TP53I3: variants seen among roughly 807,000 people sequenced by gnomAD.
The protein encoded by TP53I3 is tumor protein p53 inducible protein 3.
A neutral mutation model predicts 27.7 loss-of-function variants in TP53I3; 32 were observed. The ratio of observed to expected loss-of-function variants is 1.16; its 90% CI spans 0.87 to 1.55. The LOEUF (loss-of-function observed/expected upper bound fraction) is 1.55, where lower values mean the gene tolerates loss of function less well. Among genes scored for constraint, TP53I3 ranks in the 40% most tolerant of loss-of-function variants. The pLI is 0.00. For missense variants in TP53I3, 372 were observed against 412.3 expected (o/e 0.90, Z 0.85); for synonymous variants, 138 against 167.8 (o/e 0.82, Z 1.37).
In TP53I3 at chr2:24,080,706, T is replaced by G; in HGVS notation, c.619+113A>C. On this transcript the variant is annotated intron_variant, in intron 3 of 4. Transcript: ENST00000238721. This position sits in a 1 kb window ranked among gnomAD's most constrained non-coding sequence, Gnocchi z 4.7. ...ACTAGAATTTGGCCAGGGCAGCTGT[T>G]GTGCACTTAGCAGAGGTAAGACTGA... 1 of 1,300,336 alleles carries G rather than the reference T, an allele frequency of 7.7e-7. No individual in the cohort carries two copies. The highest frequency in any genetic ancestry group is 1.1e-6 in the Non-Finnish European group (1 of 914,984). 80.5% of individuals were successfully genotyped at this position (1,300,336 alleles called of 1,614,324 possible).
At position 24,084,246 on chromosome 2, in the gene TP53I3, C is replaced by T. The variant is rs1213074091; in HGVS notation, c.81G>A (p.Glu27=). 1.9e-6 allele frequency: 3 copies of T among 1,614,132 alleles called. No individual in the cohort carries two copies. Among genetic ancestry groups the T allele is most frequent in the Admixed American group, 1.7e-5 (1 of 60,026 alleles). The part of the protein sequence containing the change: ...VKEVAKPSPG[E]GEVLLKVAAS... ...CCGCCACCTTCAGGAGGACTTCACC[C>T]TCCCCCGGGCTCGGCTTGGCCACCT... The change falls in exon 1 of 5, where the codon GAG becomes GAA. Residue 27 remains glutamate, a synonymous_variant. Coordinates refer to ENST00000238721, the MANE Select transcript of TP53I3 (RefSeq NM_004881.5). This position sits in a 1 kb window ranked among gnomAD's most constrained non-coding sequence, Gnocchi z 8.4.
intron 2 of TP53I3, among the ~76,000 whole-genome samples, chr2:24,082,253 C>T (rs1665039039): frequency 6.6e-6 from 1 of 152,184 alleles, no homozygotes; most frequent in Non-Finnish European, 1.5e-5. Context: ...CAAAGTGCTA[C>T]GATTATAGGT....
Position 24,080,894 on chromosome 2 carries a change from C to T in TP53I3, c.544G>A (p.Glu182Lys), listed in dbSNP as rs768629595. 1.1e-5 allele frequency: 18 copies of T among 1,614,212 alleles called. No homozygotes were observed. The highest frequency in any genetic ancestry group is 3.3e-4 in the Middle Eastern group (2 of 6,062). ...AGSQKKLQMA[E>K]KLGAAAGFNY... ...AATCCAGCAGCTGCTCCAAGCTTTT[C>T]TGCCATTTGAAGCTTCTTCTGGGAG... The change falls in exon 3 of 5, where the codon GAA becomes AAA. Residue 182 changes from glutamate to lysine, a missense_variant. Coordinates refer to ENST00000238721, the MANE Select transcript of TP53I3 (RefSeq NM_004881.5). This position sits in a 1 kb window ranked among gnomAD's most constrained non-coding sequence, Gnocchi z 4.7.
chr2:24,080,331 A>G lies in TP53I3; in HGVS notation c.619+488T>C, dbSNP rs567257421. Among the ~76,000 whole-genome samples the G allele has an allele frequency of 7.9e-5, 12 of 151,682 alleles. No homozygotes were observed. The highest frequency in any genetic ancestry group is 2.9e-5 in the Non-Finnish European group (2 of 67,914). Reference sequence around the variant, plus strand: ...GATCAAGCCACTGCACGCCATCCTCAGTGACAGAGTGAGACTCCATCTCAA... The same window carrying G: ...GATCAAGCCACTGCACGCCATCCTCGGTGACAGAGTGAGACTCCATCTCAA... On this transcript the variant is annotated intron_variant, in intron 3 of 4. Coordinates refer to ENST00000238721, the MANE Select transcript of TP53I3 (RefSeq NM_004881.5). This position sits in a 1 kb window ranked among gnomAD's most constrained non-coding sequence, Gnocchi z 4.7.
rs796299596 is a variant in TP53I3 at position 24,084,390 on chromosome 2, A to AGGGCAGGG, written c.-65_-64insCCCTGCCC. 83 of 1,159,840 alleles carry AGGGCAGGG rather than the reference A, an allele frequency of 7.2e-5. 3 individuals are homozygous for AGGGCAGGG. Among genetic ancestry groups the AGGGCAGGG allele is most frequent in the South Asian group, 1.5e-4 (10 of 64,974 alleles). The allele number at this position is 1,159,840 out of a possible 1,614,324, so 71.8% of individuals were successfully genotyped here. On this transcript the variant is annotated 5_prime_UTR_variant, in exon 1 of 5. Transcript: ENST00000238721. This position sits in a 1 kb window ranked among gnomAD's most constrained non-coding sequence, Gnocchi z 8.4. ...ACAGGGCAGGGCAGGGCAGGACAGGACAGGGCAGGGCAGGACAGGACAGGG... is the reference window on the plus strand; with the variant it reads ...ACAGGGCAGGGCAGGGCAGGACAGGAGGGCAGGGCAGGGCAGGGCAGGACAGGACAGGG...
chr2:24,083,156 C>T lies in TP53I3; in HGVS notation c.139-4G>A. The T allele has an allele frequency of 6.3e-7, 1 of 1,599,648 alleles. No homozygotes were observed. Among genetic ancestry groups the T allele is most frequent in the Non-Finnish European group, 8.5e-7 (1 of 1,170,282 alleles). ...GTGGGTCATACTGGCCTTGTCTCTG[C>T]AGAGAAAGAAGTGCACTAAGTGGTG... On this transcript the variant is annotated splice_polypyrimidine_tract_variant and splice_region_variant and intron_variant, in intron 1 of 4. Transcript: ENST00000238721.
Position 24,080,452 on chromosome 2 carries a change from G to T in TP53I3, c.619+367C>A, listed in dbSNP as rs1232605540. Among the ~76,000 whole-genome samples the T allele has an allele frequency of 6.6e-6, 1 of 152,096 alleles. No individual in the cohort carries two copies. Among genetic ancestry groups the T allele is most frequent in the African/African-American group, 2.4e-5 (1 of 41,416 alleles). ...TGTGCACATCTACTTACTCATTTAG[G>T]GTGCTACCACCCAACCCTACCATGG... On this transcript the variant is annotated intron_variant, in intron 3 of 4. Transcript: ENST00000238721. This position sits in a 1 kb window ranked among gnomAD's most constrained non-coding sequence, Gnocchi z 4.7.
rs1403783062 is a variant in TP53I3 at position 24,084,434 on chromosome 2, C to T, written c.-108G>A. ...GACAGGGCAGGGGCCGCTGTATCCT[C>T]GCGGAGCAGCCCAGCCTCAGGCTGG... On this transcript the variant is annotated 5_prime_UTR_variant, in exon 1 of 5. Coordinates refer to ENST00000238721, the MANE Select transcript of TP53I3 (RefSeq NM_004881.5). This position sits in a 1 kb window ranked among gnomAD's most constrained non-coding sequence, Gnocchi z 8.4. The T allele has an allele frequency of 3.1e-5, 42 of 1,351,056 alleles. No homozygotes were observed. The East Asian group carries it at 9.4e-4, about 30-fold the overall frequency. The allele number at this position is 1,351,056 out of a possible 1,614,324, so 83.7% of individuals were successfully genotyped here. A position where few individuals can be genotyped will look rare whatever the true frequency, so the allele number is the denominator to read the frequency against.
chr2:24,077,447 T>C lies in TP53I3; in HGVS notation c.*132A>G. The C allele has an allele frequency of 2.7e-6, 3 of 1,126,852 alleles. No individual in the cohort carries two copies. The highest frequency in any genetic ancestry group is 3.6e-6 in the Non-Finnish European group (3 of 835,522). 69.8% of individuals were successfully genotyped at this position (1,126,852 alleles called of 1,614,324 possible). Reference sequence around the variant, plus strand: ...GCGTGCCACCCTTCCAGTTCACTCTTTATTTCCTCATATCAGCTTTAAACG... The same window carrying C: ...GCGTGCCACCCTTCCAGTTCACTCTCTATTTCCTCATATCAGCTTTAAACG... On this transcript the variant is annotated 3_prime_UTR_variant, in exon 5 of 5. Coordinates refer to ENST00000238721, the MANE Select transcript of TP53I3 (RefSeq NM_004881.5). This position sits in a 1 kb window ranked among gnomAD's most constrained non-coding sequence, Gnocchi z 5.5.
In TP53I3 at chr2:24,077,677, G is replaced by C; in HGVS notation, c.901C>G (p.Leu301Val). 1 of 1,614,096 alleles carries C rather than the reference G, an allele frequency of 6.2e-7. No homozygotes were observed. Among genetic ancestry groups the C allele is most frequent in the South Asian group, 1.1e-5 (1 of 91,078 alleles). The change falls in exon 5 of 5, where the codon CTG (leucine) becomes GTG (valine). Residue 301 changes from leucine (L) to valine (V), a missense_variant. Transcript: ENST00000238721. This position sits in a 1 kb window ranked among gnomAD's most constrained non-coding sequence, Gnocchi z 5.5. ...TEGPQRLLPV[L>V]DRIYPVTEIQ... The stretch of plus-strand genomic sequence containing the variant: ...TCGGTCACTGGGTAGATTCTGTCCA[G>C]AACCGGCAGCAGACGTTGGGGGCCC...
At chr2:24,078,577 G>GA in intron 4 of TP53I3, among the ~76,000 whole-genome samples, 1 of 152,160 alleles carries the variant, frequency 6.6e-6, no homozygotes, top group East Asian at 1.9e-4. Flanking sequence ...CCACATAGGA[G>GA]CTAAAGGGGG....
At chr2:24,081,055 T>C in intron 2 of TP53I3, 24 bp from the exon 3 acceptor site, 1 of 1,599,748 alleles carries the variant, frequency 6.3e-7, no homozygotes, top group South Asian at 1.1e-5. Context: ...TACAGGGTTC[T>C]CTTTACTTTG....
Position 24,084,236 on chromosome 2 carries a change from G to A in TP53I3, c.91C>T (p.Leu31Phe). Residue 31 changes from leucine to phenylalanine, a missense_variant, in exon 1 of 5, where the codon CTC (leucine) becomes TTC (phenylalanine). Transcript: ENST00000238721. The surrounding 1 kb of genome is among the most constrained non-coding windows in gnomAD (Gnocchi z 8.4). ...AKPSPGEGEV[L>F]LKVAASALNR... ...AGGGCGCTGGCCGCCACCTTCAGGA[G>A]GACTTCACCCTCCCCCGGGCTCGGC... 2 of 1,614,044 alleles carry A rather than the reference G, an allele frequency of 1.2e-6. No homozygotes were observed. The highest frequency in any genetic ancestry group is 1.7e-6 in the Non-Finnish European group (2 of 1,179,974).
chr2:24,079,576 G>C lies in TP53I3; in HGVS notation c.684C>G (p.Cys228Trp). 3 of 1,614,094 alleles carry C rather than the reference G, an allele frequency of 1.9e-6. No individual in the cohort carries two copies. The South Asian group carries it at 3.3e-5, about 18-fold the overall frequency. The change falls in exon 4 of 5, where the codon TGC becomes TGG. Residue 228 changes from cysteine to tryptophan, a missense_variant. Physicochemically the swap from Cys to Trp is radical, Grantham distance 215. Coordinates refer to ENST00000238721, the MANE Select transcript of TP53I3 (RefSeq NM_004881.5). ...GAACCCATCGACCATCAAGAGCCAG[G>C]CAGTTGACGTTCTTCTCCCAGTAGG... ...GGSYWEKNVN[C>W]LALDGRWVLY...
intron 2 of TP53I3, among the ~76,000 whole-genome samples, chr2:24,082,660 T>G (rs1340745368): frequency 6.6e-6 from 1 of 152,152 alleles, no homozygotes; most frequent in Non-Finnish European, 1.5e-5. Context: ...GCGTCCGGTG[T>G]TAACATGTAC....
rs1664907709 is a variant in TP53I3, at chr2:24,079,537, C to T, written c.723G>A (p.Met241Ile). The change falls in exon 4 of 5, where the codon ATG becomes ATA. Residue 241 changes from methionine to isoleucine, a missense_variant. Transcript: ENST00000238721. ...GGGGCCCATTGATGTCACCTCCTCCCATCAGACCATAGAGAACCCATCGAC... is the reference window on the plus strand; with the variant it reads ...GGGGCCCATTGATGTCACCTCCTCCTATCAGACCATAGAGAACCCATCGAC... ...LDGRWVLYGL[M>I]GGGDINGPLF... 1.2e-6 allele frequency: 2 copies of T among 1,614,152 alleles called. No homozygotes were observed. The highest frequency in any genetic ancestry group is 1.7e-5 in the Admixed American group (1 of 59,994).
chr2:24,080,671 A>G lies in TP53I3; in HGVS notation c.619+148T>C. The G allele has an allele frequency of 1.2e-6, 1 of 835,628 alleles. No individual in the cohort carries two copies. The highest frequency in any genetic ancestry group is 2.0e-6 in the Non-Finnish European group (1 of 510,162). 51.8% of individuals were successfully genotyped at this position (835,628 alleles called of 1,614,324 possible). The stretch of plus-strand genomic sequence containing the variant: ...ATGACTGCCTGTCTCCAGTGGTCAA[A>G]TACCATAGTACTAGAATTTGGCCAG... On this transcript the variant is annotated intron_variant, in intron 3 of 4. Transcript: ENST00000238721. The surrounding 1 kb of genome is among the most constrained non-coding windows in gnomAD (Gnocchi z 4.7).
Position 24,084,451 on chromosome 2 carries a change from T to G in TP53I3, c.-125A>C. 8.0e-7 allele frequency: 1 copy of G among 1,255,808 alleles called. No individual in the cohort carries two copies. The highest frequency in any genetic ancestry group is 2.9e-5 in the East Asian group (1 of 34,414). The allele number at this position is 1,255,808 out of a possible 1,614,324, so 77.8% of individuals were successfully genotyped here. On this transcript the variant is annotated 5_prime_UTR_variant, in exon 1 of 5. Transcript: ENST00000238721. This position sits in a 1 kb window ranked among gnomAD's most constrained non-coding sequence, Gnocchi z 8.4. ...TGTATCCTCGCGGAGCAGCCCAGCC[T>G]CAGGCTGGCACCGCAGCGCCCCCTG...
intron 2 of TP53I3, among the ~76,000 whole-genome samples, chr2:24,081,851 A>C (rs975426019): frequency 6.6e-6 from 1 of 151,624 alleles, no homozygotes; most frequent in Non-Finnish European, 1.5e-5. Flanking sequence ...GCCCACCACC[A>C]CGCCCAGCTA....
Sources: allele counts gnomAD v4.1 joint callset (sites outside exome capture counted in the v4.1 genomes callset), GRCh38; gene constraint gnomAD v4.1.1; non-coding constraint Gnocchi (gnomAD v3.1); transcripts MANE v1.5; gene names NCBI Gene and HGNC (gene_info 2026-07-23, HGNC 2026-07-21).